Variants in MAGI2 observed in about 807,000 individuals in gnomAD.
The protein encoded by MAGI2 is membrane associated guanylate kinase, WW and PDZ domain containing 2.
A neutral mutation model predicts 133.3 loss-of-function variants in MAGI2; 35 were observed. The ratio of observed to expected loss-of-function variants is 0.26; its 90% CI spans 0.20 to 0.35. The LOEUF (loss-of-function observed/expected upper bound fraction) is 0.35. Among genes scored for constraint, MAGI2 ranks in the 10% least tolerant of loss-of-function variants. The pLI, the probability that MAGI2 is intolerant of heterozygous loss-of-function variation, is 1.00. For synonymous variants in MAGI2, 729 were observed against 710.6 expected (o/e 1.03, Z -0.41); for missense variants, 1,636 against 1,863.4 (o/e 0.88, Z 2.25).
chr7:79,180,815 G>A lies in MAGI2; in HGVS notation c.302-173609C>T, dbSNP rs967607686. ...TCAGAAGTGAGTTAGTTACTTCCTA[G>A]ATACAAAGGGGGTACAGGCATTGGG... On this transcript the variant is annotated intron_variant, in intron 1 of 21. Transcript: ENST00000354212. Among the ~76,000 whole-genome samples, 48 of 151,980 alleles carry A rather than the reference G, an allele frequency of 3.2e-4. 2 individuals carry two copies. Among genetic ancestry groups the A allele is most frequent in the African/African-American group, 1.1e-3 (45 of 41,308 alleles).
intron 10 of MAGI2, among the ~76,000 whole-genome samples, chr7:78,245,013 AT>A (rs1791611118): frequency 6.6e-6 from 1 of 152,216 alleles, no homozygotes; most frequent in African/African-American, 2.4e-5. Context: ...AATTTCCATA[AT>A]CCTCACTATT....
intron 1 of MAGI2, among the ~76,000 whole-genome samples, chr7:79,421,328 T>C (rs1410412715): frequency 6.6e-6 from 1 of 151,962 alleles, no homozygotes; most frequent in African/African-American, 2.4e-5. Flanking sequence ...GAGCTTTTAG[T>C]GTTACTGCTA....
chr7:78,643,938 A>T (rs1267933334), intron 2 of MAGI2, among the ~76,000 whole-genome samples: 1 of 152,172 alleles, frequency 6.6e-6, no homozygotes, highest in Non-Finnish European at 1.5e-5. Flanking sequence ...TATGCTGCCT[A>T]CAAAAAACTT....
intron 3 of MAGI2, among the ~76,000 whole-genome samples, chr7:78,554,042 TC>T (rs1342288684): frequency 6.6e-6 from 1 of 152,108 alleles, no homozygotes; most frequent in East Asian, 1.9e-4. Flanking sequence ...AAAAATGTGT[TC>T]CCCTTTATTA....
At chr7:78,247,617 A>G (rs759272898) in intron 10 of MAGI2, among the ~76,000 whole-genome samples, 2 of 152,208 alleles carry the variant, frequency 1.3e-5, no homozygotes, top group Non-Finnish European at 2.9e-5. Flanking sequence ...AAGAACCAAT[A>G]GAAATCTTGG....
At chr7:79,106,026 G>A (rs1173108825) in intron 1 of MAGI2, among the ~76,000 whole-genome samples, 1 of 152,138 alleles carries the variant, frequency 6.6e-6, no homozygotes, top group Non-Finnish European at 1.5e-5. Context: ...ATGCTGGAAT[G>A]TGCCTGTTGA....
At chr7:78,653,930 G>A (rs905244147) in intron 2 of MAGI2, among the ~76,000 whole-genome samples, 4 of 152,134 alleles carry the variant, frequency 2.6e-5, no homozygotes, top group Admixed American at 6.5e-5. Flanking sequence ...ATGTGCAAGA[G>A]ATAGTTATAA....
chr7:78,027,264 A>G (rs531949078), intron 21 of MAGI2, among the ~76,000 whole-genome samples: 6 of 152,336 alleles, frequency 3.9e-5, no homozygotes, highest in African/African-American at 1.4e-4. Context: ...GAGACTCTCA[A>G]ACGCCATTTG....
At chr7:79,151,375 T>C (rs1823224378) in intron 1 of MAGI2, among the ~76,000 whole-genome samples, 1 of 152,154 alleles carries the variant, frequency 6.6e-6, no homozygotes. Flanking sequence ...CCTATCTAGC[T>C]AAGTTAGGCA....
At position 78,019,166 on chromosome 7, in the gene MAGI2, G is replaced by C; in HGVS notation, c.*149C>G. Reference sequence around the variant, plus strand: ...GATGCGATGCCGCCCAAGCACACCGGACACGTGGGACTTCACGTCGATGCT... The same window carrying C: ...GATGCGATGCCGCCCAAGCACACCGCACACGTGGGACTTCACGTCGATGCT... On this transcript the variant is annotated 3_prime_UTR_variant, in exon 22 of 22. Transcript: ENST00000354212. 1 of 912,020 alleles carries C rather than the reference G, an allele frequency of 1.1e-6. No individual in the cohort carries two copies. The highest frequency in any genetic ancestry group is 1.6e-6 in the Non-Finnish European group (1 of 607,896). 56.5% of individuals were successfully genotyped at this position (912,020 alleles called of 1,614,324 possible). A position where few individuals can be genotyped will look rare whatever the true frequency, so the allele number is the denominator to read the frequency against.
Position 78,343,972 on chromosome 7 carries a change from A to G in MAGI2, c.1226-12T>C. 1 of 1,599,554 alleles carries G rather than the reference A, an allele frequency of 6.3e-7. No individual in the cohort carries two copies. The highest frequency in any genetic ancestry group is 8.5e-7 in the Non-Finnish European group (1 of 1,175,558). On this transcript the variant is annotated splice_polypyrimidine_tract_variant and intron_variant, in intron 8 of 21. Transcript: ENST00000354212. ...GAAGAGTGGTTTTTCTACATTGGCC[A>G]ATATAAGTTAAAAAAGAAAAAGGCA...
At chr7:78,035,166 G>C (rs1426104288) in intron 21 of MAGI2, 1 of 153,818 alleles carries the variant, frequency 6.5e-6, no homozygotes, top group African/African-American at 2.4e-5. Context: ...GGGTGCTGAT[G>C]CGGCCTTGAG....
intron 1 of MAGI2, among the ~76,000 whole-genome samples, chr7:79,302,840 C>A (rs1161634507): frequency 6.6e-6 from 1 of 152,112 alleles, no homozygotes. Flanking sequence ...ACATCAAACA[C>A]CACATTGCAA....
At chr7:79,136,415 T>C (rs1376701309) in intron 1 of MAGI2, among the ~76,000 whole-genome samples, 1 of 152,200 alleles carries the variant, frequency 6.6e-6, no homozygotes, top group Non-Finnish European at 1.5e-5. Flanking sequence ...AAGAAAGACA[T>C]GCAAATCTGC....
At chr7:78,556,233 ACAGGGGTCAACTTATGGT>A (rs1169613094) in intron 3 of MAGI2, among the ~76,000 whole-genome samples, 1 of 152,220 alleles carries the variant, frequency 6.6e-6, no homozygotes, top group African/African-American at 2.4e-5. Flanking sequence ...TGAATGACTT[ACAGGGGTCAACTTATGGT>A]TAGGGGCAAA....
At chr7:78,660,177 C>T (rs146982184) in intron 2 of MAGI2, among the ~76,000 whole-genome samples, 8,335 of 151,750 alleles carry the variant, frequency 0.055, 272 homozygotes, top group African/African-American at 0.087. Context: ...ATGTAAATGA[C>T]GAGTTAATGG....
chr7:78,981,707 T>C (rs1408563063), intron 2 of MAGI2, among the ~76,000 whole-genome samples: 1 of 151,922 alleles, frequency 6.6e-6, no homozygotes, highest in Non-Finnish European at 1.5e-5. Context: ...TGGGAGCCCA[T>C]GGCACCCTGG....
At chr7:79,103,143 A>C (rs952060050) in intron 1 of MAGI2, among the ~76,000 whole-genome samples, 14 of 152,232 alleles carry the variant, frequency 9.2e-5, no homozygotes, top group African/African-American at 3.4e-4. Context: ...CTTTTGTTGA[A>C]TCCTGACACA....
intron 2 of MAGI2, among the ~76,000 whole-genome samples, chr7:78,997,756 C>T (rs1806458384): frequency 6.6e-6 from 1 of 152,114 alleles, no homozygotes; most frequent in South Asian, 2.1e-4. Context: ...TCCTTGATTA[C>T]ACTAAGCATT....
Sources: allele counts gnomAD v4.1 joint callset (sites outside exome capture counted in the v4.1 genomes callset), GRCh38; gene constraint gnomAD v4.1.1; transcripts MANE v1.5; gene names NCBI Gene and HGNC (gene_info 2026-07-23, HGNC 2026-07-21).